The following MEI4 variants were observed in gnomAD, a reference collection of about 807,000 sequenced individuals.
MEI4 encodes the protein meiosis-specific protein MEI4.
Under a neutral mutation model 31.4 loss-of-function variants are expected in MEI4, and 27 were observed. The ratio of observed to expected loss-of-function variants is 0.86; its 90% CI spans 0.63 to 1.19. The LOEUF (loss-of-function observed/expected upper bound fraction) is 1.19, where lower values mean the gene tolerates loss of function less well. Ranked by LOEUF, MEI4 falls within the 50% of genes most tolerant of loss-of-function variation. The probability of loss-of-function intolerance (pLI) is 0.00; values close to 1 mark genes in which losing one functional copy is unlikely to be tolerated. For synonymous variants in MEI4, 122 were observed against 145.4 expected (o/e 0.84, Z 1.16); for missense variants, 329 against 398.9 (o/e 0.82, Z 1.49).
At chr6:77,684,372 A>G (rs926170654) in intron 1 of MEI4, among the ~76,000 whole-genome samples, 4 of 152,108 alleles carry the variant, frequency 2.6e-5, no homozygotes, top group Admixed American at 2.0e-4. Flanking sequence ...TCAAACATTT[A>G]TCTTTTGAGT....
rs112517866 is a variant in MEI4, at chr6:77,736,774, T to A, written c.233-24356T>A. On this transcript the variant is annotated intron_variant, in intron 2 of 4. Coordinates refer to ENST00000684080, the MANE Select transcript of MEI4 (RefSeq NM_001322247.2). The stretch of plus-strand genomic sequence containing the variant: ...GTGAGGGTAAGATTACATCATTAAT[T>A]GTACCCAATGAGACCCTGTAGTCCA... 1.1e-3 allele frequency among the ~76,000 whole-genome samples: 169 copies of A among 152,226 alleles called. 3 individuals carry two copies. The highest frequency in any genetic ancestry group is 2.7e-3 in the African/African-American group (113 of 41,466).
At position 77,789,097 on chromosome 6, in the gene MEI4, A is replaced by G. The variant is rs149234768; in HGVS notation, c.768+27432A>G. Among the ~76,000 whole-genome samples, 213 of 152,272 alleles carry G rather than the reference A, an allele frequency of 1.4e-3. 1 individual carries two copies. Among genetic ancestry groups the G allele is most frequent in the African/African-American group, 4.5e-3 (187 of 41,552 alleles). ...CCAGAACAGAGCCCTCAGAAATAAC[A>G]CTGCATATCTACAACTATCTGACCT... On this transcript the variant is annotated intron_variant, in intron 3 of 4. Transcript: ENST00000684080.
At chr6:77,662,452 A>C (rs1299998871) in intron 1 of MEI4, among the ~76,000 whole-genome samples, 4 of 152,164 alleles carry the variant, frequency 2.6e-5, no homozygotes, top group Admixed American at 6.5e-5. Flanking sequence ...CCAGACCAGG[A>C]ACAATGGTAA....
At chr6:77,807,161 T>C (rs968099807) in intron 3 of MEI4, among the ~76,000 whole-genome samples, 1 of 151,762 alleles carries the variant, frequency 6.6e-6, no homozygotes, top group Non-Finnish European at 1.5e-5. Context: ...TTTTTTTTTT[T>C]TCTTAAGAAT....
chr6:77,683,708 T>A (rs1434732364), intron 1 of MEI4, among the ~76,000 whole-genome samples: 1 of 152,238 alleles, frequency 6.6e-6, no homozygotes, highest in Non-Finnish European at 1.5e-5. Flanking sequence ...GGTTCATTAA[T>A]GCTGAAATGA....
intron 4 of MEI4, among the ~76,000 whole-genome samples, chr6:77,874,234 T>C (rs556793267): frequency 6.6e-6 from 1 of 152,356 alleles, no homozygotes; most frequent in South Asian, 2.1e-4. Context: ...TTCCTACCCA[T>C]GAGCATGGAA....
chr6:77,848,536 G>T (rs1268852326), intron 4 of MEI4, among the ~76,000 whole-genome samples: 1 of 152,118 alleles, frequency 6.6e-6, no homozygotes, highest in African/African-American at 2.4e-5. Flanking sequence ...AGAGAAAAAA[G>T]AGCAGTATGA....
At chr6:77,669,143 C>T (rs1389417672) in intron 1 of MEI4, among the ~76,000 whole-genome samples, 1 of 152,104 alleles carries the variant, frequency 6.6e-6, no homozygotes, top group Non-Finnish European at 1.5e-5. Flanking sequence ...TGTCTATAAT[C>T]ATTTTATTTA....
At chr6:77,814,379 A>G (rs938252125) in intron 3 of MEI4, among the ~76,000 whole-genome samples, 3 of 149,288 alleles carry the variant, frequency 2.0e-5, no homozygotes, top group Non-Finnish European at 4.5e-5. Context: ...TGCAAAAGGA[A>G]GAATTGTTAA....
At chr6:77,896,075 T>C (rs926881836) in intron 4 of MEI4, among the ~76,000 whole-genome samples, 3 of 152,114 alleles carry the variant, frequency 2.0e-5, no homozygotes, top group Non-Finnish European at 4.4e-5. Flanking sequence ...TTCCTATAAG[T>C]GGGGTTGACA....
chr6:77,792,333 C>T (rs79532034), intron 3 of MEI4, among the ~76,000 whole-genome samples: 4,486 of 152,106 alleles, frequency 0.029, 237 homozygotes, highest in African/African-American at 0.1. Context: ...ATGTCTGGAT[C>T]GTATGACAGT....
chr6:77,768,699 CAAAAA>C (rs11332685), intron 3 of MEI4, among the ~76,000 whole-genome samples: 3 of 116,598 alleles, frequency 2.6e-5, no homozygotes, highest in African/African-American at 6.4e-5. Context: ...GACTCCATCT[CAAAAA>C]AAAAAAAAAA....
intron 2 of MEI4, among the ~76,000 whole-genome samples, chr6:77,695,594 G>C (rs1371250213): frequency 6.6e-6 from 1 of 152,122 alleles, no homozygotes; most frequent in Non-Finnish European, 1.5e-5. Context: ...CATTATTTTT[G>C]AGGGCTCTGT....
At chr6:77,655,080 G>C (rs892880889) in intron 1 of MEI4, among the ~76,000 whole-genome samples, 1 of 151,986 alleles carries the variant, frequency 6.6e-6, no homozygotes, top group African/African-American at 2.4e-5. Flanking sequence ...GACAGGCCCC[G>C]GTGTGTGATG....
chr6:77,814,994 A>G (rs1769655885), intron 3 of MEI4, among the ~76,000 whole-genome samples: 1 of 152,108 alleles, frequency 6.6e-6, no homozygotes, highest in African/African-American at 2.4e-5. Flanking sequence ...CCACTGTACC[A>G]AATAGTGCGA....
At chr6:77,905,307 A>G (rs1358342821) in intron 4 of MEI4, among the ~76,000 whole-genome samples, 2 of 151,790 alleles carry the variant, frequency 1.3e-5, no homozygotes, top group Admixed American at 6.6e-5. Context: ...AGTATGTGAT[A>G]TGCTTCTTTT....
intron 2 of MEI4, among the ~76,000 whole-genome samples, chr6:77,744,105 C>T (rs935201400): frequency 1.3e-4 from 20 of 152,166 alleles, no homozygotes; most frequent in Admixed American, 7.9e-4. Context: ...AGCAATGGAA[C>T]AAAGCTGGAT....
chr6:77,923,289 T>C lies in MEI4; in HGVS notation c.1101T>C (p.Tyr367=). The C allele has an allele frequency of 8.1e-7, 1 of 1,230,274 alleles. No individual in the cohort carries two copies. Among genetic ancestry groups the C allele is most frequent in the Non-Finnish European group, 1.0e-6 (1 of 986,676 alleles). The allele number at this position is 1,230,274 out of a possible 1,614,324, so 76.2% of individuals were successfully genotyped here. ...LSDAFPLFTF[Y]LWRVGILLSS... Reference sequence around the variant, plus strand: ...ATGCATTTCCTTTGTTTACTTTTTATTTATGGAGAGTGGGCATTCTTTTGA... The same window carrying C: ...ATGCATTTCCTTTGTTTACTTTTTACTTATGGAGAGTGGGCATTCTTTTGA... Residue 367 remains tyrosine, a synonymous_variant, in exon 5 of 5, where the codon TAT becomes TAC. Coordinates refer to ENST00000684080, the MANE Select transcript of MEI4 (RefSeq NM_001322247.2).
intron 3 of MEI4, among the ~76,000 whole-genome samples, chr6:77,827,360 TAAAAAAAAAAAAAA>T (rs57446339): frequency 1.5e-5 from 1 of 67,776 alleles, no homozygotes; most frequent in Admixed American, 2.2e-4. Context: ...GACTCCATCT[TAAAAAAAAAAAAAA>T]AAAAAAAAAA....
Sources: gnomAD v4.1 joint callset for allele counts (sites outside exome capture counted in the v4.1 genomes callset) on GRCh38, gnomAD v4.1.1 for gene constraint, MANE v1.5 for transcripts, NCBI Gene and HGNC (gene_info 2026-07-23, HGNC 2026-07-21) for gene names.